The following ASRGL1 variants were observed in gnomAD, a reference collection of about 807,000 sequenced individuals.
ASRGL1 encodes isoaspartyl peptidase/L-asparaginase.
In ASRGL1, 16 loss-of-function variants were observed where a neutral mutation model predicts 22.4. The observed-to-expected ratio is 0.71, with a 90% CI of 0.48 to 1.08. The LOEUF is 1.08. Among genes scored for constraint, ASRGL1 ranks in the 50% least tolerant of loss-of-function variants. The pLI is 0.00. For synonymous variants in ASRGL1, 165 were observed against 159.3 expected (o/e 1.04, Z -0.27); for missense variants, 412 against 410.1 (o/e 1.00, Z -0.04).
intron 4 of ASRGL1, chr11:62,371,645 T>A (rs1446873583): frequency 1.6e-6 from 1 of 636,994 alleles, no homozygotes; most frequent in Non-Finnish European, 3.0e-6. Context: ...TGGGACTTGA[T>A]TGGTCGAAAA....
At chr11:62,389,683 A>G (rs1454949351) in intron 5 of ASRGL1, 2 of 315,526 alleles carry the variant, frequency 6.3e-6, no homozygotes, top group African/African-American at 4.4e-5. Flanking sequence ...CATGAAAGTG[A>G]CATACTTCTA....
At chr11:62,391,825 A>G (rs1187294817) in intron 6 of ASRGL1, 193 bp downstream of exon 6, 3 of 758,884 alleles carry the variant, frequency 4.0e-6, no homozygotes, top group Non-Finnish European at 2.1e-6. Flanking sequence ...GAGTACTGTT[A>G]TCTTCCACAT....
intron 4 of ASRGL1, among the ~76,000 whole-genome samples, chr11:62,361,481 A>ATTTTTT (rs35345092): frequency 4.1e-4 from 42 of 101,918 alleles, no homozygotes; most frequent in African/African-American, 1.6e-3. Context: ...AACCTGGCCA[A>ATTTTTT]TTTTTTTTTT....
chr11:62,391,441 CT>C (rs1947333800), intron 5 of ASRGL1, 80 bp from the exon 6 acceptor site: 3 of 1,503,556 alleles, frequency 2.0e-6, no homozygotes, highest in Non-Finnish European at 2.7e-6. Context: ...CGCGATTTAA[CT>C]TTCATGTAGC....
At chr11:62,371,179 T>A in intron 4 of ASRGL1, 1 of 1,236,104 alleles carries the variant, frequency 8.1e-7, no homozygotes, top group East Asian at 3.1e-5. Context: ...GGAGCTGAGC[T>A]CGGGCAACGG....
At position 62,362,676 on chromosome 11, in the gene ASRGL1, ATT is replaced by A. The variant is rs1379124228; in HGVS notation, c.491+5533_491+5534del. On this transcript the variant is annotated intron_variant, in intron 4 of 6. Coordinates refer to ENST00000415229, the MANE Select transcript of ASRGL1 (RefSeq NM_001083926.2). ...ATATTATATAAAATATATAATATAT[ATT>A]ATATAAAATATATATTATATATTAT... 2.3e-3 allele frequency among the ~76,000 whole-genome samples: 216 copies of A among 94,698 alleles called. 10 individuals are homozygous for A. The highest frequency in any genetic ancestry group is 9.1e-3 in the African/African-American group (212 of 23,234). The allele number at this position is 94,698 out of a possible 152,430, so 62.1% of individuals were successfully genotyped here.
intron 4 of ASRGL1, among the ~76,000 whole-genome samples, chr11:62,381,166 T>C (rs1947057627): frequency 6.6e-6 from 1 of 152,180 alleles, no homozygotes; most frequent in South Asian, 2.1e-4. Flanking sequence ...CTATTTGATA[T>C]TCTCTTGGGG....
chr11:62,342,129 A>G (rs1945879658), intron 2 of ASRGL1, among the ~76,000 whole-genome samples: 2 of 152,120 alleles, frequency 1.3e-5, no homozygotes, highest in South Asian at 4.1e-4. Context: ...GGGACCTTAC[A>G]TTTTCTATTT....
chr11:62,383,647 C>G (rs1447311788), intron 4 of ASRGL1, among the ~76,000 whole-genome samples: 1 of 134,788 alleles, frequency 7.4e-6, no homozygotes, highest in Non-Finnish European at 1.6e-5. Context: ...TCAGGCCAGG[C>G]TTGGTGGCTC....
At chr11:62,396,345 ACCCCACATCCACAC>A, downstream of ASRGL1, among the ~76,000 whole-genome samples, 1 of 149,518 alleles carries the variant, frequency 6.7e-6, no homozygotes, top group South Asian at 2.1e-4. Context: ...ACCTCACCCC[ACCCCACATCCACAC>A]CCCCACAAAG....
intron 4 of ASRGL1, among the ~76,000 whole-genome samples, chr11:62,386,693 G>A (rs1947219558): frequency 6.6e-6 from 1 of 152,066 alleles, no homozygotes; most frequent in Non-Finnish European, 1.5e-5. Flanking sequence ...CAGATACACA[G>A]GTGTATAATT....
chr11:62,358,850 G>C (rs988280904), intron 4 of ASRGL1, among the ~76,000 whole-genome samples: 3 of 152,194 alleles, frequency 2.0e-5, no homozygotes, highest in Admixed American at 1.3e-4. Flanking sequence ...ACATTGCTTT[G>C]GAGTGTGGGG....
chr11:62,396,883 C>G (rs1947438133), downstream of ASRGL1, among the ~76,000 whole-genome samples: 1 of 152,056 alleles, frequency 6.6e-6, no homozygotes, highest in Admixed American at 6.5e-5. Context: ...AGTTCTTATC[C>G]ACAGCAGGCA....
chr11:62,398,759 C>A, the ASRGL1 span, among the ~76,000 whole-genome samples: 1 of 152,242 alleles, frequency 6.6e-6, no homozygotes, highest in East Asian at 1.9e-4. Context: ...GCCTCACAAT[C>A]TTCCGGGCCA....
At chr11:62,359,619 TTAGC>T (rs1946385750) in intron 4 of ASRGL1, among the ~76,000 whole-genome samples, 1 of 152,198 alleles carries the variant, frequency 6.6e-6, no homozygotes, top group Admixed American at 6.5e-5. Context: ...ACAGCCACAT[TTAGC>T]TAGCAGCCAC....
chr11:62,340,210 C>T (rs1383569170), intron 2 of ASRGL1, among the ~76,000 whole-genome samples: 2 of 152,200 alleles, frequency 1.3e-5, no homozygotes, highest in African/African-American at 4.8e-5. Flanking sequence ...GTCAAGGCTG[C>T]AATGAGCCAA....
rs184466037 is a variant in ASRGL1, at chr11:62,342,099, C to T, written c.190+3932C>T. Among the ~76,000 whole-genome samples the T allele has an allele frequency of 3.7e-4, 57 of 152,190 alleles. No homozygotes were observed. The East Asian group carries it at 8.3e-3, about 22-fold the overall frequency. ...GACGCATTTACCCTACTGCTGTGTC[C>T]GGTTTCTATTGGCTGAAACGGGACC... On this transcript the variant is annotated intron_variant, in intron 2 of 6. Transcript: ENST00000415229.
At chr11:62,345,470 T>C (rs1945993589) in intron 2 of ASRGL1, among the ~76,000 whole-genome samples, 1 of 152,058 alleles carries the variant, frequency 6.6e-6, no homozygotes, top group African/African-American at 2.4e-5. Context: ...GGTTTCACCA[T>C]GTTGGCCAGA....
Position 62,392,388 on chromosome 11 carries a change from G to A in ASRGL1, c.*104G>A, listed in dbSNP as rs953545182. The A allele has an allele frequency of 1.3e-4, 175 of 1,370,616 alleles. 1 individual carries two copies. The highest frequency in any genetic ancestry group is 8.3e-4 in the South Asian group (65 of 78,530). 84.9% of individuals were successfully genotyped at this position (1,370,616 alleles called of 1,614,324 possible). A position where few individuals can be genotyped will look rare whatever the true frequency, so the allele number is the denominator to read the frequency against. The stretch of plus-strand genomic sequence containing the variant: ...GATCTAGAATTGGAAAAATTGTCCC[G>A]TCTGTCACTTGTTTTGTTGCCTTAA... On this transcript the variant is annotated 3_prime_UTR_variant, in exon 7 of 7. Coordinates refer to ENST00000415229, the MANE Select transcript of ASRGL1 (RefSeq NM_001083926.2).
Sources: gnomAD v4.1 joint callset for allele counts (sites outside exome capture counted in the v4.1 genomes callset) on GRCh38, gnomAD v4.1.1 for gene constraint, MANE v1.5 for transcripts, NCBI Gene and HGNC (gene_info 2026-07-23, HGNC 2026-07-21) for gene names.